The following JPH4 variants were observed in gnomAD, a reference collection of about 807,000 sequenced individuals.
JPH4 encodes the protein junctophilin-4.
A neutral mutation model predicts 57.6 loss-of-function variants in JPH4; 18 were observed. The observed-to-expected ratio is 0.31, with a 90% confidence interval of 0.22 to 0.46. JPH4 has a LOEUF of 0.46. JPH4 is among the 20% of genes least tolerant of loss of function. JPH4 has a pLI of 1.00. For synonymous variants in JPH4, 425 were observed against 406.6 expected (o/e 1.05, Z -0.54); for missense variants, 727 against 911.1 (o/e 0.80, Z 2.60).
chr14:23,573,820 T>G (rs78289915), intron 3 of JPH4, among the ~76,000 whole-genome samples: 1,899 of 152,228 alleles, frequency 0.012, 48 homozygotes, highest in African/African-American at 0.044. Flanking sequence ...CCCCCTTCCC[T>G]GGCTTAAGTC....
Position 23,577,370 on chromosome 14 carries a change from G to T in JPH4, c.84C>A (p.Gly28=). ...GWEAGRAHGY[G]VCTGPGAQGE... ...CCTGGGCGCCGGGGCCCGTGCACAC[G>T]CCGTAGCCATGTGCCCGCCCCGCCT... Residue 28 remains glycine, a synonymous_variant, in exon 2 of 6, where the codon GGC becomes GGA. Coordinates refer to ENST00000356300, the MANE Select transcript of JPH4 (RefSeq NM_001146028.2). The surrounding 1 kb of genome is among the most constrained non-coding windows in gnomAD (Gnocchi z 8.4). 6 of 1,505,154 alleles carry T rather than the reference G, an allele frequency of 4.0e-6. No homozygotes were observed. Among genetic ancestry groups the T allele is most frequent in the South Asian group, 1.2e-5 (1 of 80,594 alleles). 93.2% of individuals were successfully genotyped at this position (1,505,154 alleles called of 1,614,324 possible). A position where few individuals can be genotyped will look rare whatever the true frequency, so the allele number is the denominator to read the frequency against.
In JPH4 at chr14:23,571,675, C is replaced by A; in HGVS notation, c.1270+127G>T. Reference sequence around the variant, plus strand: ...TCTGGCCCCCACCCTGTGTTCCTTGCACCCTCATTCCTTGTTTTTTCCCAT... The same window carrying A: ...TCTGGCCCCCACCCTGTGTTCCTTGAACCCTCATTCCTTGTTTTTTCCCAT... On this transcript the variant is annotated intron_variant, in intron 4 of 5. Coordinates refer to ENST00000356300, the MANE Select transcript of JPH4 (RefSeq NM_001146028.2). This position sits in a 1 kb window ranked among gnomAD's most constrained non-coding sequence, Gnocchi z 4.6. The A allele has an allele frequency of 9.4e-7, 1 of 1,059,268 alleles. No homozygotes were observed. The highest frequency in any genetic ancestry group is 1.4e-6 in the Non-Finnish European group (1 of 715,156). The allele number at this position is 1,059,268 out of a possible 1,614,324, so 65.6% of individuals were successfully genotyped here.
Position 23,577,253 on chromosome 14 carries a change from C to T in JPH4, c.201G>A (p.Gln67=), listed in dbSNP as rs755507214. 7 of 1,536,902 alleles carry T rather than the reference C, an allele frequency of 4.6e-6. 1 individual carries two copies. In the South Asian group the frequency reaches 6.0e-5, roughly 13 times the overall value. ...GGHSYQGHWQ[Q]GKREGLGVER... is the part of the protein sequence containing the mutation. ...CCACGCCCAGCCCTTCGCGCTTGCC[C>T]TGCTGCCAGTGGCCCTGGTAGCTGT... The change falls in exon 2 of 6, where the codon CAG becomes CAA. Residue 67 remains glutamine, a synonymous_variant. Transcript: ENST00000356300. This position sits in a 1 kb window ranked among gnomAD's most constrained non-coding sequence, Gnocchi z 8.4.
At position 23,571,712 on chromosome 14, in the gene JPH4, T is replaced by C; in HGVS notation, c.1270+90A>G. On this transcript the variant is annotated intron_variant, in intron 4 of 5. Coordinates refer to ENST00000356300, the MANE Select transcript of JPH4 (RefSeq NM_001146028.2). The surrounding 1 kb of genome is among the most constrained non-coding windows in gnomAD (Gnocchi z 4.6). ...TTGTTTTTTCCCATCCCCACTTCCC[T>C]TGCAGGGCTTCTCATCTGTTTCCCC... 7.8e-7 allele frequency: 1 copy of C among 1,274,696 alleles called. No individual in the cohort carries two copies. The highest frequency in any genetic ancestry group is 1.1e-6 in the Non-Finnish European group (1 of 897,376). 79.0% of individuals were successfully genotyped at this position (1,274,696 alleles called of 1,614,324 possible). A position where few individuals can be genotyped will look rare whatever the true frequency, so the allele number is the denominator to read the frequency against.
chr14:23,571,066 C>T lies in JPH4; in HGVS notation c.1665G>A (p.Pro555=), dbSNP rs2139463645. ...EEGEDEEPLP[P]LRAPAGTEPE... ...GCTCCGTGCCTGCTGGGGCCCTCAG[C>T]GGGGGCAGGGGCTCTTCATCCTCCC... is the stretch of plus-strand genomic sequence containing the variant. The change falls in exon 5 of 6, where the codon CCG becomes CCA. Residue 555 remains proline, a synonymous_variant. Transcript: ENST00000356300. The surrounding 1 kb of genome is among the most constrained non-coding windows in gnomAD (Gnocchi z 4.6). 3.1e-6 allele frequency: 5 copies of T among 1,611,320 alleles called. No homozygotes were observed. Among genetic ancestry groups the T allele is most frequent in the African/African-American group, 1.3e-5 (1 of 75,004 alleles).
intron 3 of JPH4, chr14:23,574,953 T>G (rs1889237968): frequency 6.0e-6 from 1 of 166,128 alleles, no homozygotes; most frequent in Non-Finnish European, 1.3e-5. Flanking sequence ...TGTTTTTTAA[T>G]GTGGTTACTA....
rs1270107880 is a variant in JPH4 at position 23,571,169 on chromosome 14, T to C, written c.1562A>G (p.Gln521Arg). The change falls in exon 5 of 6, where the codon CAA becomes CGA. Residue 521 changes from glutamine to arginine, a missense_variant. Around this residue, in one of 7 missense-constraint regions of JPH4, gnomAD observed 293 missense variants for 279.8 expected, o/e 1.05. Coordinates refer to ENST00000356300, the MANE Select transcript of JPH4 (RefSeq NM_001146028.2). This position sits in a 1 kb window ranked among gnomAD's most constrained non-coding sequence, Gnocchi z 4.6. ...GGAACCGTCTCTGGGCCCTGGCCCT[T>C]GCATCCCAGCCTCATCCTCAGCCTC... ...GYEAEDEAGM[Q>R]GPGPRDGSPL... is the part of the protein sequence containing the mutation. 5.6e-6 allele frequency: 9 copies of C among 1,613,970 alleles called. No homozygotes were observed. Among genetic ancestry groups the C allele is most frequent in the Non-Finnish European group, 7.6e-6 (9 of 1,179,994 alleles).
chr14:23,571,453 T>C lies in JPH4; in HGVS notation c.1278A>G (p.Arg426=). ...LQPMLEAPGR[R]PRQDSEGSDT... is the part of the protein sequence containing the mutation. ...CGGAACCTTCTGAGTCCTGCCTGGG[T>C]CTGCGGCCTGGGTAGGGATAGCTGA... Residue 426 remains arginine (R), a synonymous_variant, in exon 5 of 6, where the codon AGA becomes AGG. Transcript: ENST00000356300. This position sits in a 1 kb window ranked among gnomAD's most constrained non-coding sequence, Gnocchi z 4.6. 1 of 1,598,728 alleles carries C rather than the reference T, an allele frequency of 6.3e-7. No individual in the cohort carries two copies. The highest frequency in any genetic ancestry group is 8.5e-7 in the Non-Finnish European group (1 of 1,179,524).
At position 23,576,043 on chromosome 14, in the gene JPH4, G is replaced by A. The variant is rs988701614; in HGVS notation, c.793C>T (p.Pro265Ser). Residue 265 changes from proline to serine, a missense_variant, in exon 3 of 6, where the codon CCC (proline) becomes TCC (serine). By Grantham distance (74) the Pro-to-Ser change is moderately conservative. This residue lies in a region of JPH4 where 131 missense variants were observed against 156.5 expected (regional missense o/e 0.84). Coordinates refer to ENST00000356300, the MANE Select transcript of JPH4 (RefSeq NM_001146028.2). The surrounding 1 kb of genome is among the most constrained non-coding windows in gnomAD (Gnocchi z 8.0). ...AGGGCGGGCGGCGCTGCGGCCGGGG[G>A]CCCGCTGGCCTCCGAGCCGGGCGGT... is the stretch of plus-strand genomic sequence containing the variant. ...TGPPGSEASG[P>S]PAAAPPALIE... The A allele has an allele frequency of 2.3e-6, 3 of 1,322,638 alleles. No individual in the cohort carries two copies. The African/African-American group carries it at 4.6e-5, about 20-fold the overall frequency. The allele number at this position is 1,322,638 out of a possible 1,614,324, so 81.9% of individuals were successfully genotyped here.
At position 23,571,719 on chromosome 14, in the gene JPH4, G is replaced by T; in HGVS notation, c.1270+83C>A. ...TTCCCATCCCCACTTCCCTTGCAGG[G>T]CTTCTCATCTGTTTCCCCACACCTG... On this transcript the variant is annotated intron_variant, in intron 4 of 5. Coordinates refer to ENST00000356300, the MANE Select transcript of JPH4 (RefSeq NM_001146028.2). The surrounding 1 kb of genome is among the most constrained non-coding windows in gnomAD (Gnocchi z 4.6). The T allele has an allele frequency of 7.7e-7, 1 of 1,306,414 alleles. No homozygotes were observed. The highest frequency in any genetic ancestry group is 1.1e-6 in the Non-Finnish European group (1 of 922,676). The allele number at this position is 1,306,414 out of a possible 1,614,324, so 80.9% of individuals were successfully genotyped here.
In JPH4 at chr14:23,571,078, C is replaced by T; in HGVS notation, c.1653G>A (p.Glu551=). The change falls in exon 5 of 6, where the codon GAG becomes GAA. Residue 551 remains glutamate, a synonymous_variant. Transcript: ENST00000356300. This position sits in a 1 kb window ranked among gnomAD's most constrained non-coding sequence, Gnocchi z 4.6. ...CTGGGGCCCTCAGCGGGGGCAGGGGCTCTTCATCCTCCCCCTCCTCCTCTC... is the reference window on the plus strand; with the variant it reads ...CTGGGGCCCTCAGCGGGGGCAGGGGTTCTTCATCCTCCCCCTCCTCCTCTC... The part of the protein sequence containing the change: ...SLREEEGEDE[E]PLPPLRAPAG... 6.2e-7 allele frequency: 1 copy of T among 1,613,038 alleles called. No homozygotes were observed. Among genetic ancestry groups the T allele is most frequent in the Non-Finnish European group, 8.5e-7 (1 of 1,179,414 alleles).
Position 23,576,933 on chromosome 14 carries a change from G to T in JPH4, c.379+142C>A. 1 of 985,354 alleles carries T rather than the reference G, an allele frequency of 1.0e-6. No homozygotes were observed. Among genetic ancestry groups the T allele is most frequent in the Non-Finnish European group, 1.4e-6 (1 of 709,028 alleles). 61.0% of individuals were successfully genotyped at this position (985,354 alleles called of 1,614,324 possible). A position where few individuals can be genotyped will look rare whatever the true frequency, so the allele number is the denominator to read the frequency against. On this transcript the variant is annotated intron_variant, in intron 2 of 5. Transcript: ENST00000356300. The surrounding 1 kb of genome is among the most constrained non-coding windows in gnomAD (Gnocchi z 8.0). The stretch of plus-strand genomic sequence containing the variant: ...ATCATGGTGGGAGAGAGCAGAAATT[G>T]GGGGCTGGGGGTCACATCGATGGGG...
At position 23,571,867 on chromosome 14, in the gene JPH4, G is replaced by C. The variant is rs762230435; in HGVS notation, c.1205C>G (p.Ala402Gly). The C allele has an allele frequency of 1.2e-6, 2 of 1,612,920 alleles. No individual in the cohort carries two copies. Among genetic ancestry groups the C allele is most frequent in the Non-Finnish European group, 1.7e-6 (2 of 1,179,930 alleles). ...TTTGGCCATTCGAGCTGCCTCCACG[G>C]CCTTCTCAGCGACACTGCTGGCTGC... ...AVAASSVAEK[A>G]VEAARMAKLI... Residue 402 changes from alanine to glycine, a missense_variant, in exon 4 of 6, where the codon GCC becomes GGC. Ala to Gly is a moderately conservative substitution (Grantham distance 60, BLOSUM62 0). This residue lies in a region of JPH4 where 293 missense variants were observed against 279.8 expected (regional missense o/e 1.05). Transcript: ENST00000356300. This position sits in a 1 kb window ranked among gnomAD's most constrained non-coding sequence, Gnocchi z 4.6.
chr14:23,570,811 C>G (rs1459898621), intron 5 of JPH4, 117 bp downstream of exon 5: 2 of 1,092,334 alleles, frequency 1.8e-6, no homozygotes, highest in African/African-American at 1.6e-5. Flanking sequence ...CCAAGACTGG[C>G]CAGGCAGAGG....
Position 23,577,458 on chromosome 14 carries a change from G to A in JPH4, c.-5C>T, listed in dbSNP as rs1395133269. 7.1e-7 allele frequency: 1 copy of A among 1,410,208 alleles called. No individual in the cohort carries two copies. The highest frequency in any genetic ancestry group is 2.8e-5 in the East Asian group (1 of 35,176). 87.4% of individuals were successfully genotyped at this position (1,410,208 alleles called of 1,614,324 possible). ...GAACTTGCCCCCGGGGGACATGCAT[G>A]TAGTTGGCGCGGCCTCAGCCCCCCG... On this transcript the variant is annotated 5_prime_UTR_variant, in exon 2 of 6. Transcript: ENST00000356300. The surrounding 1 kb of genome is among the most constrained non-coding windows in gnomAD (Gnocchi z 8.4).
Position 23,568,415 on chromosome 14 carries a change from A to C in JPH4, c.*1219T>G. On this transcript the variant is annotated 3_prime_UTR_variant, in exon 6 of 6. Transcript: ENST00000356300. ...GAAAAACTAATACCAGAGAGGGATC[A>C]GCCACAACCTCAAACAGGGCTCTCC... The C allele has an allele frequency of 2.0e-6, 2 of 985,770 alleles. No individual in the cohort carries two copies. Among genetic ancestry groups the C allele is most frequent in the Non-Finnish European group, 2.4e-6 (2 of 829,970 alleles). 61.1% of individuals were successfully genotyped at this position (985,770 alleles called of 1,614,324 possible).
Position 23,577,081 on chromosome 14 carries a change from C to A in JPH4, c.373G>T (p.Asp125Tyr). Reference sequence around the variant, plus strand: ...GGTGGGCCGGGCCCCGCACCTCCGTCGGAGTAGGTCTCAGTGCCGTAGCCG... The same window carrying A: ...GGTGGGCCGGGCCCCGCACCTCCGTAGGAGTAGGTCTCAGTGCCGTAGCCG... Reference protein sequence around the residue: ...QDGYGTETYSDGGTYQGQWQA... With the variant: ...QDGYGTETYSYGGTYQGQWQA... The change falls in exon 2 of 6, where the codon GAC becomes TAC. Residue 125 changes from aspartate (D) to tyrosine (Y), a missense_variant. By Grantham distance (160) the Asp-to-Tyr change is radical (BLOSUM62 -3). Around this residue, in one of 7 missense-constraint regions of JPH4, gnomAD observed 90 missense variants for 88.1 expected, o/e 1.02. Transcript: ENST00000356300. The surrounding 1 kb of genome is among the most constrained non-coding windows in gnomAD (Gnocchi z 8.4). The A allele has an allele frequency of 1.3e-6, 2 of 1,530,824 alleles. No homozygotes were observed. The highest frequency in any genetic ancestry group is 8.8e-7 in the Non-Finnish European group (1 of 1,140,696). The allele number at this position is 1,530,824 out of a possible 1,614,324, so 94.8% of individuals were successfully genotyped here. A position where few individuals can be genotyped will look rare whatever the true frequency, so the allele number is the denominator to read the frequency against.
At position 23,575,664 on chromosome 14, in the gene JPH4, GC is replaced by G. The variant is rs1322599754; in HGVS notation, c.1151+20del. On this transcript the variant is annotated intron_variant, in intron 3 of 5. Coordinates refer to ENST00000356300, the MANE Select transcript of JPH4 (RefSeq NM_001146028.2). The surrounding 1 kb of genome is among the most constrained non-coding windows in gnomAD (Gnocchi z 6.9). ...ACCCCCTCCTCTTAGCCCAGCTTTG[GC>G]CTCTGAACTGGACGCCCACCTGGCA... The G allele has an allele frequency of 6.3e-7, 1 of 1,586,586 alleles. No individual in the cohort carries two copies. Among genetic ancestry groups the G allele is most frequent in the Non-Finnish European group, 8.6e-7 (1 of 1,168,610 alleles).
rs900572968 is a variant in JPH4 at position 23,576,203 on chromosome 14, G to A, written c.633C>T (p.Arg211=). The change falls in exon 3 of 6, where the codon CGC becomes CGT. Residue 211 remains arginine, a synonymous_variant. Coordinates refer to ENST00000356300, the MANE Select transcript of JPH4 (RefSeq NM_001146028.2). This position sits in a 1 kb window ranked among gnomAD's most constrained non-coding sequence, Gnocchi z 8.0. ...GDADGASSRK[R]TPAAGGFFRR... The stretch of plus-strand genomic sequence containing the variant: ...GAAAGAATCCGCCGGCCGCCGGAGT[G>A]CGCTTTCGGGACGACGCGCCGTCGG... The A allele has an allele frequency of 1.1e-4, 146 of 1,284,486 alleles. No individual in the cohort carries two copies. Among genetic ancestry groups the A allele is most frequent in the Non-Finnish European group, 1.4e-4 (143 of 1,016,848 alleles). The allele number at this position is 1,284,486 out of a possible 1,614,324, so 79.6% of individuals were successfully genotyped here. A position where few individuals can be genotyped will look rare whatever the true frequency, so the allele number is the denominator to read the frequency against.
Sources: allele counts gnomAD v4.1 joint callset (sites outside exome capture counted in the v4.1 genomes callset), GRCh38; gene constraint gnomAD v4.1.1; regional missense constraint gnomAD v4.1.1; non-coding constraint Gnocchi (gnomAD v3.1); transcripts MANE v1.5; gene names NCBI Gene and HGNC (gene_info 2026-07-23, HGNC 2026-07-21).